Variants in HNRNPC observed in about 807,000 individuals in gnomAD.
The protein encoded by HNRNPC is heterogeneous nuclear ribonucleoproteins C1/C2.
In HNRNPC, 3 loss-of-function variants were observed where a neutral mutation model predicts 33.2. That is an observed-to-expected ratio of 0.09 (90% CI 0.04 to 0.23). HNRNPC has a LOEUF of 0.23. Among genes scored for constraint, HNRNPC ranks in the 10% least tolerant of loss-of-function variants. The probability of loss-of-function intolerance (pLI) is 1.00; values close to 1 mark genes in which losing one functional copy is unlikely to be tolerated. For missense variants in HNRNPC, 143 were observed against 366.7 expected, an observed-to-expected ratio of 0.39 and a Z score of 4.98; for synonymous variants, 121 against 126.7, an observed-to-expected ratio of 0.96 and a Z score of 0.30.
chr14:21,216,429 C>G (rs1021342804), intron 5 of HNRNPC, among the ~76,000 whole-genome samples: 1 of 152,034 alleles, frequency 6.6e-6, no homozygotes. Context: ...TCTGTTTTGC[C>G]GGACAGGGTG....
intron 2 of HNRNPC, among the ~76,000 whole-genome samples, chr14:21,248,108 G>C (rs886376985): frequency 6.6e-6 from 1 of 152,148 alleles, no homozygotes; most frequent in African/African-American, 2.4e-5. Context: ...GGAGGCTGAG[G>C]TGGGAGATTG....
In HNRNPC at chr14:21,211,556, C is replaced by A. The variant is rs1458280385; in HGVS notation, c.648G>T (p.Lys216Asn). 6.2e-7 allele frequency: 1 copy of A among 1,609,650 alleles called. No homozygotes were observed. The highest frequency in any genetic ancestry group is 8.5e-7 in the Non-Finnish European group (1 of 1,177,880). Residue 216 changes from lysine (K) to asparagine (N), a missense_variant, in exon 8 of 9, where the codon AAG becomes AAT. This residue lies in a region of HNRNPC where 131 missense variants were observed against 253.0 expected (regional missense o/e 0.52). Coordinates refer to ENST00000553300, the MANE Select transcript of HNRNPC (RefSeq NM_004500.4). ...KEQSKQAVEM[K>N]NDKSEEEQSS... Reference sequence around the variant, plus strand: ...TCTGCTCCTCTTCTGACTTATCATTCTTCATCTCTACTGCGGATGAGAAGG... The same window carrying A: ...TCTGCTCCTCTTCTGACTTATCATTATTCATCTCTACTGCGGATGAGAAGG...
intron 5 of HNRNPC, among the ~76,000 whole-genome samples, chr14:21,222,186 TG>T (rs1892900996): frequency 6.6e-6 from 1 of 151,984 alleles, no homozygotes; most frequent in Non-Finnish European, 1.5e-5. Context: ...CAGATATGAA[TG>T]TAAGTGGAGC....
At chr14:21,258,538 C>A (rs775143973) in intron 2 of HNRNPC, among the ~76,000 whole-genome samples, 14 of 152,168 alleles carry the variant, frequency 9.2e-5, no homozygotes, top group Non-Finnish European at 2.1e-4. Flanking sequence ...ATTCTGTACT[C>A]CAATATTCTC....
At chr14:21,267,014 C>T (rs945634900) in intron 1 of HNRNPC, among the ~76,000 whole-genome samples, 2 of 147,296 alleles carry the variant, frequency 1.4e-5, no homozygotes, top group Non-Finnish European at 3.0e-5. Context: ...TCGCTTGAAC[C>T]CGGGAGGCGG....
At chr14:21,255,736 A>G (rs371607884) in intron 2 of HNRNPC, among the ~76,000 whole-genome samples, 1 of 152,258 alleles carries the variant, frequency 6.6e-6, no homozygotes, top group African/African-American at 2.4e-5. Context: ...GCCCAGAGGC[A>G]ATCAATGTTA....
intron 2 of HNRNPC, among the ~76,000 whole-genome samples, chr14:21,249,602 A>C (rs948730590): frequency 3.3e-5 from 5 of 150,052 alleles, no homozygotes; most frequent in Admixed American, 1.3e-4. Context: ...ACAAAAAAAA[A>C]AAAAAAAAAA....
intron 2 of HNRNPC, among the ~76,000 whole-genome samples, chr14:21,249,703 T>C (rs984301417): frequency 6.6e-6 from 1 of 151,328 alleles, no homozygotes; most frequent in Non-Finnish European, 1.5e-5. Context: ...CCAAATTACA[T>C]AGAAATTTCT....
At chr14:21,252,111 C>T (rs1286656309) in intron 2 of HNRNPC, among the ~76,000 whole-genome samples, 4 of 152,062 alleles carry the variant, frequency 2.6e-5, no homozygotes, top group Non-Finnish European at 5.9e-5. Context: ...AACCATAAGA[C>T]CCCCAACTCC....
intron 2 of HNRNPC, among the ~76,000 whole-genome samples, chr14:21,241,814 AAT>A (rs761488697): frequency 1.3e-5 from 2 of 152,240 alleles, no homozygotes; most frequent in Non-Finnish European, 2.9e-5. Flanking sequence ...CTGTGAGAGT[AAT>A]CTCTGAGAAA....
intron 3 of HNRNPC, among the ~76,000 whole-genome samples, chr14:21,233,036 C>CAA (rs542905745): frequency 1.9e-4 from 26 of 135,904 alleles, no homozygotes; most frequent in African/African-American, 5.1e-4. Flanking sequence ...GACTCTGTCT[C>CAA]AAAAAAAAAA....
intron 2 of HNRNPC, among the ~76,000 whole-genome samples, chr14:21,256,176 G>A (rs1241519108): frequency 6.6e-6 from 1 of 152,202 alleles, no homozygotes; most frequent in African/African-American, 2.4e-5. Context: ...GCCAGGCGTG[G>A]TGGATCACGC....
chr14:21,216,377 A>G (rs1188973152), intron 5 of HNRNPC, among the ~76,000 whole-genome samples: 1 of 152,194 alleles, frequency 6.6e-6, no homozygotes, highest in Non-Finnish European at 1.5e-5. Flanking sequence ...TTAATGGACC[A>G]CAGCTGATTC....
At chr14:21,219,613 C>T (rs912169237) in intron 5 of HNRNPC, among the ~76,000 whole-genome samples, 8 of 152,174 alleles carry the variant, frequency 5.3e-5, no homozygotes, top group African/African-American at 1.9e-4. Context: ...CTTCATGCTT[C>T]TCCATTTTTT....
In HNRNPC at chr14:21,211,560, A is replaced by T; in HGVS notation, c.644T>A (p.Met215Lys). The T allele has an allele frequency of 6.2e-7, 1 of 1,608,124 alleles. No homozygotes were observed. The highest frequency in any genetic ancestry group is 8.5e-7 in the Non-Finnish European group (1 of 1,177,092). Residue 215 changes from methionine to lysine, a missense_variant, in exon 8 of 9, where the codon ATG becomes AAG. By Grantham distance (95) the Met-to-Lys change is moderately conservative. Coordinates refer to ENST00000553300, the MANE Select transcript of HNRNPC (RefSeq NM_004500.4). ...CTCCTCTTCTGACTTATCATTCTTC[A>T]TCTCTACTGCGGATGAGAAGGACAA... Reference protein sequence around the residue: ...EKEQSKQAVEMKNDKSEEEQS... With the variant: ...EKEQSKQAVEKKNDKSEEEQS...
chr14:21,234,893 CTT>C (rs1894513681), intron 2 of HNRNPC: 2 of 152,146 alleles, frequency 1.3e-5, no homozygotes, highest in Non-Finnish European at 2.9e-5. Context: ...TCAATACCAT[CTT>C]TTTACAGACT....
chr14:21,211,377 CTTTT>C (rs1278991306), intron 8 of HNRNPC, 25 bp downstream of exon 8: 1 of 1,538,832 alleles, frequency 6.5e-7, no homozygotes, highest in Non-Finnish European at 8.8e-7. Context: ...CCTCCACCAC[CTTTT>C]TCTTTCCTTT....
At chr14:21,229,765 A>G (rs1370480611) in intron 5 of HNRNPC, among the ~76,000 whole-genome samples, 1 of 152,230 alleles carries the variant, frequency 6.6e-6, no homozygotes, top group Non-Finnish European at 1.5e-5. Flanking sequence ...AATACTAATG[A>G]CTGGAATACT....
intron 5 of HNRNPC, among the ~76,000 whole-genome samples, chr14:21,222,630 C>T (rs991371396): frequency 5.3e-5 from 8 of 152,108 alleles, no homozygotes; most frequent in Non-Finnish European, 8.8e-5. Context: ...TAGTGGCTCC[C>T]GCCTGTAATC....
Sources: allele counts gnomAD v4.1 joint callset (sites outside exome capture counted in the v4.1 genomes callset), GRCh38; gene constraint gnomAD v4.1.1; regional missense constraint gnomAD v4.1.1; transcripts MANE v1.5; gene names NCBI Gene and HGNC (gene_info 2026-07-23, HGNC 2026-07-21).